GYG1: variants seen among roughly 807,000 people sequenced by gnomAD.
GYG1 encodes the protein glycogenin-1.
GYG1 carries 44 observed loss-of-function variants against 41.9 expected under a neutral mutation model. That is an observed-to-expected ratio of 1.05 (90% CI 0.83 to 1.35). GYG1 has a LOEUF of 1.35. Among genes scored for constraint, GYG1 ranks in the 40% most tolerant of loss-of-function variants. The pLI is 0.00. For missense variants in GYG1, 429 were observed against 418.9 expected, an observed-to-expected ratio of 1.02 and a Z score of -0.21; for synonymous variants, 141 against 158.1, an observed-to-expected ratio of 0.89 and a Z score of 0.81.
chr3:148,991,696 G>T, intron 1 of GYG1, 49 bp downstream of exon 1: 6 of 1,398,322 alleles, frequency 4.3e-6, no homozygotes, highest in Non-Finnish European at 3.9e-6. Flanking sequence ...CCGGCTTCCT[G>T]CCCAGCCGCC....
rs745631121 is a variant in GYG1, at chr3:149,027,057, T to A, written c.*124T>A. 9.9e-7 allele frequency: 1 copy of A among 1,010,162 alleles called. No individual in the cohort carries two copies. The highest frequency in any genetic ancestry group is 1.5e-6 in the Non-Finnish European group (1 of 658,606). The allele number at this position is 1,010,162 out of a possible 1,614,324, so 62.6% of individuals were successfully genotyped here. A position where few individuals can be genotyped will look rare whatever the true frequency, so the allele number is the denominator to read the frequency against. On this transcript the variant is annotated 3_prime_UTR_variant, in exon 8 of 8. Coordinates refer to ENST00000345003, the MANE Select transcript of GYG1 (RefSeq NM_004130.4). ...GAGGTTTTCATTAAAACTTATCAGA[T>A]GAGAGGCTTTTTTAGGATAAGAGGT...
At chr3:149,019,623 T>C (rs1576552380) in intron 5 of GYG1, among the ~76,000 whole-genome samples, 1 of 152,108 alleles carries the variant, frequency 6.6e-6, no homozygotes, top group Admixed American at 6.5e-5. Flanking sequence ...TTTGTTAGGG[T>C]AGAATAGGTA....
intron 5 of GYG1, among the ~76,000 whole-genome samples, chr3:149,013,167 TTAA>T (rs1713834923): frequency 6.6e-6 from 1 of 152,212 alleles, no homozygotes; most frequent in African/African-American, 2.4e-5. Flanking sequence ...AATGCATTTA[TTAA>T]TAATATTTTT....
intron 5 of GYG1, 135 bp from the exon 6 acceptor site, chr3:149,023,918 C>T: frequency 1.4e-6 from 1 of 724,228 alleles, no homozygotes; most frequent in Non-Finnish European, 2.5e-6. Context: ...CATGCTACTG[C>T]ACTCCAGCCT....
chr3:148,991,580 GC>G lies in GYG1; in HGVS notation c.-59del. The G allele has an allele frequency of 6.5e-7, 1 of 1,541,942 alleles. No individual in the cohort carries two copies. The highest frequency in any genetic ancestry group is 8.7e-7 in the Non-Finnish European group (1 of 1,151,638). On this transcript the variant is annotated 5_prime_UTR_variant, in exon 1 of 8. Transcript: ENST00000345003. ...CTCGCTGGCCGCGCTCCCTCCCGGTGCCGGCTTCTCTGAGTCACCAACCTGA... is the reference window on the plus strand; with the variant it reads ...CTCGCTGGCCGCGCTCCCTCCCGGTGCGGCTTCTCTGAGTCACCAACCTGA...
chr3:149,011,246 A>G (rs1676654300), intron 5 of GYG1, among the ~76,000 whole-genome samples: 3 of 152,218 alleles, frequency 2.0e-5, no homozygotes, highest in South Asian at 2.1e-4. Context: ...CGTGTCTCAC[A>G]TGGAAATGTG....
chr3:149,012,746 G>A (rs1041253263), intron 5 of GYG1, among the ~76,000 whole-genome samples: 2 of 151,732 alleles, frequency 1.3e-5, no homozygotes, highest in Admixed American at 6.6e-5. Flanking sequence ...TCTTTAACAC[G>A]GCATAATTTG....
chr3:149,014,779 A>G (rs921311868), intron 5 of GYG1, among the ~76,000 whole-genome samples: 1 of 151,852 alleles, frequency 6.6e-6, no homozygotes, highest in Non-Finnish European at 1.5e-5. Flanking sequence ...GAGGCAGAAG[A>G]ATGGCTTGAA....
chr3:149,004,502 A>G (rs1460546463), intron 4 of GYG1, among the ~76,000 whole-genome samples: 1 of 151,974 alleles, frequency 6.6e-6, no homozygotes, highest in African/African-American at 2.4e-5. Flanking sequence ...TGATGACGTT[A>G]AAACATTTGC....
intron 5 of GYG1, among the ~76,000 whole-genome samples, chr3:149,013,750 C>G (rs1713865241): frequency 6.6e-6 from 1 of 152,140 alleles, no homozygotes. Flanking sequence ...ATTCTATCGT[C>G]CCTGTGTAGT....
In GYG1 at chr3:149,026,733, TAG is replaced by T. The variant is rs552523898; in HGVS notation, c.880-24_880-23del. On this transcript the variant is annotated intron_variant, in intron 7 of 7. Coordinates refer to ENST00000345003, the MANE Select transcript of GYG1 (RefSeq NM_004130.4). The stretch of plus-strand genomic sequence containing the variant: ...AAAACAGTTTGATTTTCAGCTCTCA[TAG>T]AGTCAATTATGCTTTCCTTTCTAGG... The T allele has an allele frequency of 1.1e-4, 163 of 1,468,740 alleles. No individual in the cohort carries two copies. The African/African-American group carries it at 2.1e-3, about 19-fold the overall frequency. The allele number at this position is 1,468,740 out of a possible 1,614,324, so 91.0% of individuals were successfully genotyped here.
chr3:149,023,291 A>T (rs760550753), intron 5 of GYG1, among the ~76,000 whole-genome samples: 58 of 152,200 alleles, frequency 3.8e-4, no homozygotes, highest in Non-Finnish European at 6.8e-4. Flanking sequence ...TCAGGTGGGA[A>T]AGTGTCCTCC....
intron 7 of GYG1, 30 bp downstream of exon 7, chr3:149,026,532 T>G (rs774445900): frequency 1.4e-6 from 2 of 1,409,874 alleles, no homozygotes; most frequent in East Asian, 4.6e-5. Context: ...TAACCCTAAT[T>G]ACTTTGTTCT....
Position 149,029,169 on chromosome 3 carries a change from T to C in GYG1, c.*2236T>C, listed in dbSNP as rs779818731. 2.6e-5 allele frequency among the ~76,000 whole-genome samples: 4 copies of C among 152,248 alleles called. No individual in the cohort carries two copies. Among genetic ancestry groups the C allele is most frequent in the Non-Finnish European group, 5.9e-5 (4 of 68,040 alleles). ...AACATTCTTTTCCTTCTATGATCTA[T>C]GTCTTAAGGTGAAGTATTAACTAAC... On this transcript the variant is annotated 3_prime_UTR_variant, in exon 8 of 8. Transcript: ENST00000345003.
At chr3:149,014,073 A>G (rs1015174192) in intron 5 of GYG1, among the ~76,000 whole-genome samples, 3 of 152,034 alleles carry the variant, frequency 2.0e-5, no homozygotes, top group Non-Finnish European at 4.4e-5. Context: ...TTAGGTGTAC[A>G]GTTTCTTGTA....
At chr3:149,002,301 A>G (rs1713134865) in intron 4 of GYG1, among the ~76,000 whole-genome samples, 1 of 152,210 alleles carries the variant, frequency 6.6e-6, no homozygotes, top group Admixed American at 6.5e-5. Context: ...CAGTTATGTA[A>G]TCATGATTCT....
At chr3:149,023,771 G>T (rs150337203) in intron 5 of GYG1, among the ~76,000 whole-genome samples, 13 of 152,178 alleles carry the variant, frequency 8.5e-5, no homozygotes, top group Non-Finnish European at 1.8e-4. Context: ...ATCACTTCAG[G>T]GCCGGGAGTT....
chr3:149,020,432 C>T (rs1204994652), intron 5 of GYG1, among the ~76,000 whole-genome samples: 1 of 152,232 alleles, frequency 6.6e-6, no homozygotes, highest in Non-Finnish European at 1.5e-5. Context: ...GGCTCTGCAG[C>T]CAGACTGCCT....
At chr3:149,016,804 G>C (rs1336172784) in intron 5 of GYG1, among the ~76,000 whole-genome samples, 3 of 152,228 alleles carry the variant, frequency 2.0e-5, no homozygotes, top group African/African-American at 7.2e-5. Flanking sequence ...GTGCGTGAGA[G>C]AGGAGAGGTG....
Sources: gnomAD v4.1 joint callset for allele counts (sites outside exome capture counted in the v4.1 genomes callset) on GRCh38, gnomAD v4.1.1 for gene constraint, MANE v1.5 for transcripts, NCBI Gene and HGNC (gene_info 2026-07-23, HGNC 2026-07-21) for gene names.